Variants in FBXO10 observed in about 807,000 individuals in gnomAD.
The protein encoded by FBXO10 is F-box only protein 10.
In FBXO10, 39 loss-of-function variants were observed where a neutral mutation model predicts 80.7. The observed-to-expected ratio is 0.48, with a 90% CI of 0.37 to 0.63. The LOEUF (loss-of-function observed/expected upper bound fraction) is 0.63, where lower values mean the gene tolerates loss of function less well. Among genes scored for constraint, FBXO10 ranks in the 30% least tolerant of loss-of-function variants. The pLI is 0.00. For missense variants in FBXO10, 1,025 were observed against 1,269.0 expected (o/e 0.81, Z 2.92); for synonymous variants, 449 against 489.6 (o/e 0.92, Z 1.09).
chr9:37,525,509 T>G (rs1446399573), intron 5 of FBXO10, among the ~76,000 whole-genome samples: 1 of 152,222 alleles, frequency 6.6e-6, no homozygotes, highest in Non-Finnish European at 1.5e-5. Flanking sequence ...TCCAGTTCAC[T>G]GTAGCCTCAC....
chr9:37,515,981 A>G lies in FBXO10; in HGVS notation c.2619T>C (p.Ser873=), dbSNP rs1340432030. ...QENIIFQGKT[S]KTIFQQISNN... ...TTGAGATCTGCTGAAAGATGGTCTT[A>G]CTGGTTTTGCCCTGGAAGATGATGT... The change falls in exon 10 of 11, where the codon AGT becomes AGC. Residue 873 remains serine, a synonymous_variant. Transcript: ENST00000432825. The G allele has an allele frequency of 6.2e-7, 1 of 1,614,074 alleles. No homozygotes were observed. Among genetic ancestry groups the G allele is most frequent in the East Asian group, 2.2e-5 (1 of 44,890 alleles).
chr9:37,554,133 T>C (rs1822278896), intron 1 of FBXO10, among the ~76,000 whole-genome samples: 1 of 152,206 alleles, frequency 6.6e-6, no homozygotes, highest in Non-Finnish European at 1.5e-5. Flanking sequence ...TGTGTAACTT[T>C]GTGTATCTAT....
chr9:37,562,479 G>A (rs530993108), intron 1 of FBXO10, among the ~76,000 whole-genome samples: 2 of 152,268 alleles, frequency 1.3e-5, no homozygotes, highest in Admixed American at 6.5e-5. Context: ...CAGAGCCTGG[G>A]CACCTCTAGG....
chr9:37,521,438 C>T, intron 8 of FBXO10, 131 bp downstream of exon 8: 12 of 1,172,624 alleles, frequency 1.0e-5, no homozygotes, highest in Non-Finnish European at 1.4e-5. Context: ...CTGCCCTACC[C>T]AGGTTTGCAT....
chr9:37,538,871 GTTA>G (rs1246067567), intron 2 of FBXO10, among the ~76,000 whole-genome samples: 1 of 152,172 alleles, frequency 6.6e-6, no homozygotes, highest in Non-Finnish European at 1.5e-5. Flanking sequence ...ATAAAAGTCA[GTTA>G]TTATCATCTG....
At chr9:37,520,030 T>C (rs571123583) in intron 8 of FBXO10, among the ~76,000 whole-genome samples, 57 of 152,136 alleles carry the variant, frequency 3.7e-4, no homozygotes, top group Non-Finnish European at 7.4e-4. Flanking sequence ...GATTGAGGTC[T>C]CTCTATGTTG....
chr9:37,525,802 G>A (rs1442854752), intron 5 of FBXO10, among the ~76,000 whole-genome samples: 2 of 152,076 alleles, frequency 1.3e-5, no homozygotes, highest in East Asian at 1.9e-4. Context: ...GCCTCCTAAA[G>A]TGCTGGGATT....
Position 37,521,571 on chromosome 9 carries a change from C to T in FBXO10, c.2198G>A (p.Gly733Glu), listed in dbSNP as rs752767863. Reference protein sequence around the residue: ...LVESNSINHNGASGLYVQSSE... With the variant: ...LVESNSINHNEASGLYVQSSE... Reference sequence around the variant, plus strand: ...AGGGGCTGAGGGGGTATACTCACCTCCATTGTGATTAATACTGTTAGACTC... The same window carrying T: ...AGGGGCTGAGGGGGTATACTCACCTTCATTGTGATTAATACTGTTAGACTC... Residue 733 changes from glycine (G) to glutamate (E), a missense_variant and splice_region_variant, in exon 8 of 11, where the codon GGA becomes GAA. By Grantham distance (98) the Gly-to-Glu change is moderately conservative. Around this residue, in one of 3 missense-constraint regions of FBXO10, gnomAD observed 478 missense variants for 667.8 expected, o/e 0.72. Coordinates refer to ENST00000432825, the MANE Select transcript of FBXO10 (RefSeq NM_012166.3). 30 of 1,605,482 alleles carry T rather than the reference C, an allele frequency of 1.9e-5. No homozygotes were observed. The highest frequency in any genetic ancestry group is 1.6e-4 in the Middle Eastern group (1 of 6,068).
chr9:37,513,161 A>G (rs1487556318), intron 10 of FBXO10, among the ~76,000 whole-genome samples: 2 of 152,066 alleles, frequency 1.3e-5, no homozygotes, highest in Non-Finnish European at 2.9e-5. Flanking sequence ...GGATCTGGAT[A>G]AGATCATAGG....
At chr9:37,551,462 T>G (rs747253386) in intron 1 of FBXO10, among the ~76,000 whole-genome samples, 2 of 152,238 alleles carry the variant, frequency 1.3e-5, no homozygotes, top group East Asian at 3.8e-4. Context: ...CCACAGCTCT[T>G]GTACTCTGCA....
rs981656162 is a variant in FBXO10 at position 37,518,586 on chromosome 9, G to C, written c.2201-148C>G. 7.5e-6 allele frequency: 5 copies of C among 669,290 alleles called. No individual in the cohort carries two copies. In the Admixed American group the frequency reaches 9.6e-5, roughly 13 times the overall value. The allele number at this position is 669,290 out of a possible 1,614,324, so 41.5% of individuals were successfully genotyped here. ...ACACTCAGAAACAACCCTTGAGTTT[G>C]CGTCTTCCAAGCTGATGAAACAGCA... On this transcript the variant is annotated intron_variant, in intron 8 of 10. Coordinates refer to ENST00000432825, the MANE Select transcript of FBXO10 (RefSeq NM_012166.3).
chr9:37,561,409 C>T (rs559737938), intron 1 of FBXO10, among the ~76,000 whole-genome samples: 1 of 152,228 alleles, frequency 6.6e-6, no homozygotes, highest in Admixed American at 6.5e-5. Flanking sequence ...ACTCTCCTAA[C>T]CTCCCACTGG....
At chr9:37,569,361 A>G (rs1009172646) in intron 1 of FBXO10, among the ~76,000 whole-genome samples, 1 of 149,230 alleles carries the variant, frequency 6.7e-6, no homozygotes, top group Non-Finnish European at 1.5e-5. Flanking sequence ...ATATTTGTAT[A>G]TGCACCTGAT....
chr9:37,540,483 C>A (rs1821883255), intron 2 of FBXO10, among the ~76,000 whole-genome samples: 1 of 152,026 alleles, frequency 6.6e-6, no homozygotes. Context: ...GGCCAAAAAT[C>A]TTTTATTTTT....
At chr9:37,513,006 C>T (rs574410111) in intron 10 of FBXO10, among the ~76,000 whole-genome samples, 2 of 152,348 alleles carry the variant, frequency 1.3e-5, no homozygotes, top group Admixed American at 1.3e-4. Flanking sequence ...CACTCTGTTG[C>T]CCAGGCTGGG....
intron 2 of FBXO10, among the ~76,000 whole-genome samples, chr9:37,540,953 G>T (rs981182531): frequency 1.3e-5 from 2 of 152,172 alleles, no homozygotes; most frequent in Non-Finnish European, 2.9e-5. Context: ...AAGAATTTTG[G>T]TTCCAAGCCC....
chr9:37,548,317 G>A (rs576550985), intron 1 of FBXO10, among the ~76,000 whole-genome samples: 31 of 151,520 alleles, frequency 2.0e-4, no homozygotes, highest in African/African-American at 7.0e-4. Flanking sequence ...CCCGGGAGGC[G>A]GAGGTTGCAG....
At chr9:37,561,432 G>T (rs533506502) in intron 1 of FBXO10, among the ~76,000 whole-genome samples, 12 of 152,224 alleles carry the variant, frequency 7.9e-5, no homozygotes, top group African/African-American at 4.8e-5. Flanking sequence ...GTATCCACAT[G>T]CCTCTGGGCC....
chr9:37,571,082 T>A (rs562417959), intron 1 of FBXO10, among the ~76,000 whole-genome samples: 2 of 151,924 alleles, frequency 1.3e-5, no homozygotes, highest in East Asian at 3.9e-4. Flanking sequence ...TAAGAAATTA[T>A]AAAAACAAAA....
Sources: gnomAD v4.1 joint callset for allele counts (sites outside exome capture counted in the v4.1 genomes callset) on GRCh38, gnomAD v4.1.1 for gene constraint, gnomAD v4.1.1 regional missense constraint, MANE v1.5 for transcripts, NCBI Gene and HGNC (gene_info 2026-07-23, HGNC 2026-07-21) for gene names.